CYP27C1: variants seen among roughly 807,000 people sequenced by gnomAD.
The protein encoded by CYP27C1 is cytochrome P450 family 27 subfamily C member 1, also known as cytochrome P450 27C1.
A neutral mutation model predicts 40.6 loss-of-function variants in CYP27C1; 29 were observed. The observed-to-expected ratio is 0.71, with a 90% CI of 0.53 to 0.97. The LOEUF (loss-of-function observed/expected upper bound fraction) is 0.97, where lower values mean the gene tolerates loss of function less well. Among genes scored for constraint, CYP27C1 ranks in the 50% least tolerant of loss-of-function variants. The pLI is 0.00. For synonymous variants in CYP27C1, 198 were observed against 186.8 expected, an observed-to-expected ratio of 1.06 and a Z score of -0.49; for missense variants, 390 against 485.8, an observed-to-expected ratio of 0.80 and a Z score of 1.85.
intron 8 of CYP27C1, among the ~76,000 whole-genome samples, chr2:127,189,319 G>A (rs1176886612): frequency 6.6e-6 from 1 of 151,866 alleles, no homozygotes. Context: ...TTCCTTCCCA[G>A]TAGCCTTCAG....
chr2:127,202,874 T>G (rs990881510), intron 3 of CYP27C1, among the ~76,000 whole-genome samples: 19 of 152,254 alleles, frequency 1.2e-4, no homozygotes, highest in African/African-American at 4.3e-4. Flanking sequence ...AGTTCTTTTT[T>G]AAGTCCAGTT....
intron 6 of CYP27C1, among the ~76,000 whole-genome samples, chr2:127,194,856 T>TG (rs1215458631): frequency 6.6e-6 from 1 of 151,720 alleles, no homozygotes; most frequent in Middle Eastern, 3.2e-3. Flanking sequence ...TTTTTTTTTT[T>TG]TTGAGACAGA....
At chr2:127,199,299 A>C (rs1216794298) in intron 5 of CYP27C1, 77 bp downstream of exon 5, 45 of 1,549,110 alleles carry the variant, frequency 2.9e-5, no homozygotes, top group Non-Finnish European at 3.8e-5. Flanking sequence ...CGCTCCAAAA[A>C]AGTAGACAAC....
rs1471654260 is a variant in CYP27C1 at position 127,195,241 on chromosome 2, G to C, written c.1214+94C>G. 52 of 1,509,070 alleles carry C rather than the reference G, an allele frequency of 3.4e-5. No homozygotes were observed. Among genetic ancestry groups the C allele is most frequent in the Middle Eastern group, 2.1e-4 (1 of 4,720 alleles). The allele number at this position is 1,509,070 out of a possible 1,614,324, so 93.5% of individuals were successfully genotyped here. A position where few individuals can be genotyped will look rare whatever the true frequency, so the allele number is the denominator to read the frequency against. ...GTCACGAACATCCTCATCCTGAACA[G>C]GTCAGCCGGGGGGGCATTTGGAGGA... On this transcript the variant is annotated intron_variant, in intron 6 of 8. Transcript: ENST00000664447. This position sits in a 1 kb window ranked among gnomAD's most constrained non-coding sequence, Gnocchi z 6.2.
At position 127,218,630 on chromosome 2, in the gene CYP27C1, G is replaced by A. The variant is rs1198360727; in HGVS notation, c.282+1359C>T. ...ATGAGGGTTGGGGCTTCTCCCTCAC[G>A]TTCATTGACTGAATGGCTGATGGAA... On this transcript the variant is annotated intron_variant, in intron 1 of 8. Transcript: ENST00000664447. This position sits in a 1 kb window ranked among gnomAD's most constrained non-coding sequence, Gnocchi z 6.0. 6.6e-6 allele frequency among the ~76,000 whole-genome samples: 1 copy of A among 152,166 alleles called. No homozygotes were observed. The highest frequency in any genetic ancestry group is 6.5e-5 in the Admixed American group (1 of 15,280).
chr2:127,202,849 G>A (rs1348973205), intron 3 of CYP27C1, among the ~76,000 whole-genome samples: 1 of 152,088 alleles, frequency 6.6e-6, no homozygotes, highest in Non-Finnish European at 1.5e-5. Context: ...AGGGATGGGG[G>A]TGTGGCATTG....
At chr2:127,214,423 T>C (rs1683388596) in intron 1 of CYP27C1, among the ~76,000 whole-genome samples, 1 of 152,140 alleles carries the variant, frequency 6.6e-6, no homozygotes, top group Admixed American at 6.5e-5. Context: ...CCAACCCAAA[T>C]GCCCATTAAC....
chr2:127,201,414 T>G lies in CYP27C1; in HGVS notation c.674-83A>C, dbSNP rs528040155. 7.4e-7 allele frequency: 1 copy of G among 1,353,042 alleles called. No individual in the cohort carries two copies. The highest frequency in any genetic ancestry group is 2.0e-5 in the Admixed American group (1 of 51,072). 83.8% of individuals were successfully genotyped at this position (1,353,042 alleles called of 1,614,324 possible). A position where few individuals can be genotyped will look rare whatever the true frequency, so the allele number is the denominator to read the frequency against. ...CAATGTTGGGCCATAAATGCAACTT[T>G]CAAACGTGGTCCAGGTGCCTTTCAT... is the stretch of plus-strand genomic sequence containing the variant. On this transcript the variant is annotated intron_variant, in intron 3 of 8. Coordinates refer to ENST00000664447, the MANE Select transcript of CYP27C1 (RefSeq NM_001367502.1). This position sits in a 1 kb window ranked among gnomAD's most constrained non-coding sequence, Gnocchi z 6.0.
rs1171713639 is a variant in CYP27C1, at chr2:127,195,882, G to T, written c.1048-381C>A. ...ACCTTCTTTGCAGGGCTTGCTCGGT[G>T]TGTGCCAGAAAGGGCCTCAGGCTGC... On this transcript the variant is annotated intron_variant, in intron 5 of 8. Transcript: ENST00000664447. The surrounding 1 kb of genome is among the most constrained non-coding windows in gnomAD (Gnocchi z 6.2). 6.6e-6 allele frequency among the ~76,000 whole-genome samples: 1 copy of T among 152,118 alleles called. No individual in the cohort carries two copies. The highest frequency in any genetic ancestry group is 1.5e-5 in the Non-Finnish European group (1 of 68,010).
At chr2:127,192,623 G>GGT (rs1553501936) in intron 8 of CYP27C1, among the ~76,000 whole-genome samples, 6 of 79,304 alleles carry the variant, frequency 7.6e-5, no homozygotes, top group African/African-American at 2.2e-4. Flanking sequence ...CTTTCCCGGG[G>GGT]GGGGGGGCTG....
At position 127,192,972 on chromosome 2, in the gene CYP27C1, G is replaced by A. The variant is rs1056294768; in HGVS notation, c.1497+122C>T. On this transcript the variant is annotated intron_variant, in intron 8 of 8. Coordinates refer to ENST00000664447, the MANE Select transcript of CYP27C1 (RefSeq NM_001367502.1). ...ACCACAGGTGTGAGCCACAGTGCCT[G>A]ACGGCTCTTGATCTTAAGTTTCCAA... 106 of 1,289,106 alleles carry A rather than the reference G, an allele frequency of 8.2e-5. 1 individual carries two copies. The highest frequency in any genetic ancestry group is 2.6e-4 in the Middle Eastern group (1 of 3,858). The allele number at this position is 1,289,106 out of a possible 1,614,324, so 79.9% of individuals were successfully genotyped here. A position where few individuals can be genotyped will look rare whatever the true frequency, so the allele number is the denominator to read the frequency against.
In CYP27C1 at chr2:127,202,794, G is replaced by A. The variant is rs577994743; in HGVS notation, c.673+578C>T. Among the ~76,000 whole-genome samples the A allele has an allele frequency of 2.3e-4, 35 of 151,876 alleles. 1 individual carries two copies. Among genetic ancestry groups the A allele is most frequent in the African/African-American group, 8.2e-4 (34 of 41,388 alleles). ...AGTAATTAGGAACATGGCTTCTTGA[G>A]TTTAAAAGACCTGAATTTGAAACTA... On this transcript the variant is annotated intron_variant, in intron 3 of 8. Coordinates refer to ENST00000664447, the MANE Select transcript of CYP27C1 (RefSeq NM_001367502.1).
intron 8 of CYP27C1, among the ~76,000 whole-genome samples, chr2:127,189,680 AT>A (rs1404875255): frequency 1.3e-5 from 2 of 150,054 alleles, no homozygotes; most frequent in Non-Finnish European, 3.0e-5. Flanking sequence ...GACTTTCTTC[AT>A]TAATTGGGGT....
Position 127,204,485 on chromosome 2 carries a change from A to AAAGAAAGAAAGAAAGAAAGAAAGG in CYP27C1, c.474-915_474-914insCCTTTCTTTCTTTCTTTCTTTCTT, listed in dbSNP as rs1336827282. 3.8e-4 allele frequency among the ~76,000 whole-genome samples: 23 copies of AAAGAAAGAAAGAAAGAAAGAAAGG among 60,206 alleles called. 3 individuals are homozygous for AAAGAAAGAAAGAAAGAAAGAAAGG. The highest frequency in any genetic ancestry group is 1.1e-3 in the African/African-American group (16 of 14,752). 39.5% of individuals were successfully genotyped at this position (60,206 alleles called of 152,430 possible). ...GAAAGAAAGAAAGAAAGAAAGAAAG[A>AAAGAAAGAAAGAAAGAAAGAAAGG]AAGGAAGGAAGGAAGGAAGGAAAGA... is the stretch of plus-strand genomic sequence containing the variant. On this transcript the variant is annotated intron_variant, in intron 2 of 8. Transcript: ENST00000664447.
chr2:127,210,616 A>G (rs1683316735), intron 1 of CYP27C1, among the ~76,000 whole-genome samples: 1 of 152,128 alleles, frequency 6.6e-6, no homozygotes, highest in Non-Finnish European at 1.5e-5. Context: ...CAGGAGGCCT[A>G]TCTTAAAGGC....
chr2:127,215,591 C>T (rs910735963), intron 1 of CYP27C1, among the ~76,000 whole-genome samples: 3 of 152,072 alleles, frequency 2.0e-5, no homozygotes, highest in South Asian at 2.1e-4. Flanking sequence ...AAAACAAGGC[C>T]GGCCATAATG....
rs1683304478 is a variant in CYP27C1, at chr2:127,209,873, A to T, written c.283-3783T>A. 6.6e-6 allele frequency among the ~76,000 whole-genome samples: 1 copy of T among 152,256 alleles called. No individual in the cohort carries two copies. Among genetic ancestry groups the T allele is most frequent in the Non-Finnish European group, 1.5e-5 (1 of 68,042 alleles). ...AAGAAATATGGGACTTCATAAAAACAGCAAACCTACAATCGACTGGAGCAC... is the reference window on the plus strand; with the variant it reads ...AAGAAATATGGGACTTCATAAAAACTGCAAACCTACAATCGACTGGAGCAC... On this transcript the variant is annotated intron_variant, in intron 1 of 8. Transcript: ENST00000664447. The surrounding 1 kb of genome is among the most constrained non-coding windows in gnomAD (Gnocchi z 4.1).
At chr2:127,203,291 G>A (rs1683084882) in intron 3 of CYP27C1, 81 bp downstream of exon 3, 2 of 1,500,144 alleles carry the variant, frequency 1.3e-6, no homozygotes, top group African/African-American at 2.8e-5. Context: ...CTGGGACCCA[G>A]GGAATGATCC....
rs1156982574 is a variant in CYP27C1, at chr2:127,211,361, G to GT, written c.283-5272dup. On this transcript the variant is annotated intron_variant, in intron 1 of 8. Coordinates refer to ENST00000664447, the MANE Select transcript of CYP27C1 (RefSeq NM_001367502.1). ...ATCTCTGGGATACAGCTAAAGCAGT[G>GT]TTTTTTTGTTTTTTTTTTTTTTTTT... is the stretch of plus-strand genomic sequence containing the variant. Among the ~76,000 whole-genome samples the GT allele has an allele frequency of 1.3e-3, 134 of 103,626 alleles. 6 individuals carry two copies. Among genetic ancestry groups the GT allele is most frequent in the African/African-American group, 3.6e-3 (92 of 25,206 alleles). The allele number at this position is 103,626 out of a possible 152,430, so 68.0% of individuals were successfully genotyped here.
Sources: allele counts gnomAD v4.1 joint callset (sites outside exome capture counted in the v4.1 genomes callset), GRCh38; gene constraint gnomAD v4.1.1; non-coding constraint Gnocchi (gnomAD v3.1); transcripts MANE v1.5; gene names NCBI Gene and HGNC (gene_info 2026-07-23, HGNC 2026-07-21).